Variants in ANXA8 observed in about 807,000 individuals in gnomAD.
ANXA8 encodes VAC-beta.
Under a neutral mutation model 26.8 loss-of-function variants are expected in ANXA8, and 9 were observed. The ratio of observed to expected loss-of-function variants is 0.34; its 90% CI spans 0.20 to 0.59. ANXA8 has a LOEUF of 0.59. Among genes scored for constraint, ANXA8 ranks in the 20% least tolerant of loss-of-function variants. The probability of loss-of-function intolerance (pLI) is 0.84; values close to 1 mark genes in which losing one functional copy is unlikely to be tolerated. For missense variants in ANXA8, 83 were observed against 238.5 expected (o/e 0.35, Z 4.29); for synonymous variants, 39 against 94.8 (o/e 0.41, Z 3.42).
chr10:47,549,041 C>T, the ANXA8 span, among the ~76,000 whole-genome samples: 1 of 152,210 alleles, frequency 6.6e-6, no homozygotes, highest in Non-Finnish European at 1.5e-5. Context: ...TAGCTGTGTT[C>T]ATTAAAGGTT....
At chr10:47,500,989 G>A in the ANXA8 span, among the ~76,000 whole-genome samples, 3 of 138,678 alleles carry the variant, frequency 2.2e-5, no homozygotes, top group Non-Finnish European at 4.6e-5. Flanking sequence ...CGCCTCCTGG[G>A]TTCACGCCAT....
the ANXA8 span, chr10:47,719,740 G>GTAA: frequency 2.0e-6 from 1 of 497,666 alleles, no homozygotes; most frequent in South Asian, 1.7e-5. Context: ...TACTACAAGT[G>GTAA]ACTGTAAATC....
At chr10:47,975,012 C>T in the ANXA8 span, among the ~76,000 whole-genome samples, 1 of 149,678 alleles carries the variant, frequency 6.7e-6, no homozygotes, top group Non-Finnish European at 1.5e-5. Flanking sequence ...GGCATCAGGC[C>T]ATAAGACAAG....
the ANXA8 span, chr10:47,568,026 T>C: frequency 1.3e-6 from 1 of 742,400 alleles, no homozygotes; most frequent in Non-Finnish European, 2.4e-6. Context: ...TGAAAGTTTT[T>C]GTTTTTGTTT....
the ANXA8 span, among the ~76,000 whole-genome samples, chr10:47,674,640 C>G: frequency 6.6e-6 from 1 of 151,616 alleles, no homozygotes; most frequent in Non-Finnish European, 1.5e-5. Flanking sequence ...AGTTATGATA[C>G]CCCTCCTCAA....
upstream of ANXA8, among the ~76,000 whole-genome samples, chr10:47,486,148 G>A (rs1840041977): frequency 6.6e-6 from 1 of 151,622 alleles, no homozygotes; most frequent in Admixed American, 6.6e-5. Flanking sequence ...AGGATGATGA[G>A]CAGTGACTCA....
chr10:47,650,540 C>T, the ANXA8 span, among the ~76,000 whole-genome samples: 10 of 151,208 alleles, frequency 6.6e-5, no homozygotes, highest in Non-Finnish European at 1.5e-4. Context: ...GGTGTGGTGG[C>T]TCACGCCTGT....
At chr10:47,974,351 TG>T in the ANXA8 span, among the ~76,000 whole-genome samples, 1 of 145,542 alleles carries the variant, frequency 6.9e-6, no homozygotes, top group African/African-American at 2.5e-5. Context: ...AATCAACTTT[TG>T]GTTTCATTTA....
chr10:47,501,539 C>T, the ANXA8 span, among the ~76,000 whole-genome samples: 1 of 135,866 alleles, frequency 7.4e-6, no homozygotes, highest in Non-Finnish European at 1.6e-5. Context: ...GAAACCACGT[C>T]TCTACTAAAA....
chr10:47,650,407 GAATGGGATTA>G, the ANXA8 span, among the ~76,000 whole-genome samples: 1 of 151,348 alleles, frequency 6.6e-6, no homozygotes, highest in East Asian at 1.9e-4. Context: ...ACAACCTACA[GAATGGGATTA>G]AATATTTGCA....
At chr10:47,683,156 T>C in the ANXA8 span, among the ~76,000 whole-genome samples, 3 of 151,676 alleles carry the variant, frequency 2.0e-5, no homozygotes, top group Admixed American at 1.3e-4. Flanking sequence ...TATCTTTTCA[T>C]AAGTTGCATA....
At chr10:47,565,668 A>G in the ANXA8 span, 2 of 382,178 alleles carry the variant, frequency 5.2e-6, no homozygotes, top group African/African-American at 4.2e-5. Flanking sequence ...CCAGCCGGCC[A>G]GCCCCGGAGC....
chr10:47,763,533 C>T, the ANXA8 span: 1 of 709,622 alleles, frequency 1.4e-6, no homozygotes, highest in African/African-American at 2.0e-5. Flanking sequence ...GGATGGAGGC[C>T]AGCGTCGCCT....
the ANXA8 span, among the ~76,000 whole-genome samples, chr10:47,725,457 GTTT>G: frequency 1.1e-5 from 1 of 90,430 alleles, no homozygotes. Flanking sequence ...GAGTTTAGTA[GTTT>G]TACCTCCTAC....
chr10:47,584,163 G>C, the ANXA8 span, among the ~76,000 whole-genome samples: 2 of 149,544 alleles, frequency 1.3e-5, no homozygotes, highest in Non-Finnish European at 2.9e-5. Flanking sequence ...TGGGCGAGAG[G>C]AGACCCTGTC....
chr10:47,683,437 C>T, the ANXA8 span, among the ~76,000 whole-genome samples: 6 of 151,790 alleles, frequency 4.0e-5, no homozygotes, highest in Admixed American at 2.0e-4. Context: ...ACCCTTTTAG[C>T]CAGGATGGCC....
the ANXA8 span, among the ~76,000 whole-genome samples, chr10:47,622,484 T>C: frequency 1.1e-5 from 1 of 93,012 alleles, no homozygotes; most frequent in East Asian, 2.3e-4. Context: ...CAGACTGACC[T>C]GACCTAACAC....
chr10:47,672,400 A>G, the ANXA8 span, among the ~76,000 whole-genome samples: 2 of 151,926 alleles, frequency 1.3e-5, no homozygotes, highest in Non-Finnish European at 2.9e-5. Flanking sequence ...CTTTTTTGGT[A>G]AGCTTCAAAA....
At chr10:47,552,704 G>A in the ANXA8 span, among the ~76,000 whole-genome samples, 1 of 151,840 alleles carries the variant, frequency 6.6e-6, no homozygotes, top group Non-Finnish European at 1.5e-5. Context: ...GAGTTTTTTT[G>A]GAATATCGGG....
Sources: allele counts gnomAD v4.1 joint callset (sites outside exome capture counted in the v4.1 genomes callset), GRCh38; gene constraint gnomAD v4.1.1; transcripts MANE v1.5; gene names NCBI Gene and HGNC (gene_info 2026-07-23, HGNC 2026-07-21).